ANKRD22: variants seen among roughly 807,000 people sequenced by gnomAD.
ANKRD22 encodes ankyrin repeat domain 22, also known as ankyrin repeat domain-containing protein 22.
ANKRD22 carries 24 observed loss-of-function variants against 25.7 expected under a neutral mutation model. That is an observed-to-expected ratio of 0.93 (90% CI 0.68 to 1.31). The LOEUF is 1.31. ANKRD22 is among the 50% of genes most tolerant of loss of function. The probability of loss-of-function intolerance (pLI) is 0.00; values close to 1 mark genes in which losing one functional copy is unlikely to be tolerated. For synonymous variants in ANKRD22, 84 were observed against 84.3 expected (o/e 1.00, Z 0.02); for missense variants, 214 against 227.1 (o/e 0.94, Z 0.37).
intron 1 of ANKRD22, among the ~76,000 whole-genome samples, chr10:88,843,797 T>C (rs149062767): frequency 0.027 from 4,168 of 152,278 alleles, 82 homozygotes; most frequent in Middle Eastern, 0.048. Flanking sequence ...AGAAAACAAA[T>C]GTTTTATTCT....
At chr10:88,844,378 C>T (rs777267345) in intron 1 of ANKRD22, among the ~76,000 whole-genome samples, 1 of 152,064 alleles carries the variant, frequency 6.6e-6, no homozygotes, top group Non-Finnish European at 1.5e-5. Flanking sequence ...TTGACAAAAT[C>T]TACCTTCAGT....
In ANKRD22 at chr10:88,821,061, G is replaced by C. The variant is rs1843788079; in HGVS notation, c.*1880C>G. 6.6e-6 allele frequency among the ~76,000 whole-genome samples: 1 copy of C among 152,152 alleles called. No individual in the cohort carries two copies. The highest frequency in any genetic ancestry group is 1.5e-5 in the Non-Finnish European group (1 of 68,020). ...GCCAAGTTTTATAGTTGCATCTCAGGGAAGAAAATTTTATAGGATGTTTAT... is the reference window on the plus strand; with the variant it reads ...GCCAAGTTTTATAGTTGCATCTCAGCGAAGAAAATTTTATAGGATGTTTAT... On this transcript the variant is annotated 3_prime_UTR_variant, in exon 6 of 6. Transcript: ENST00000371930.
At chr10:88,831,254 C>G (rs1018369181) in intron 2 of ANKRD22, among the ~76,000 whole-genome samples, 8 of 152,206 alleles carry the variant, frequency 5.3e-5, no homozygotes, top group African/African-American at 1.9e-4. Context: ...TCTTCTCTTT[C>G]TTGGTCCTGA....
rs1334404447 is a variant in ANKRD22 at position 88,821,854 on chromosome 10, CTG to C, written c.*1085_*1086del. On this transcript the variant is annotated 3_prime_UTR_variant, in exon 6 of 6. Transcript: ENST00000371930. Reference sequence around the variant, plus strand: ...TTTTTAAAGTGAATTTATTTCTACTCTGTGTCATTCACAGAAGAAGTGAGACA... The same window carrying C: ...TTTTTAAAGTGAATTTATTTCTACTCTGTCATTCACAGAAGAAGTGAGACA... Among the ~76,000 whole-genome samples the C allele has an allele frequency of 6.6e-6, 1 of 152,200 alleles. No homozygotes were observed. Among genetic ancestry groups the C allele is most frequent in the African/African-American group, 2.4e-5 (1 of 41,450 alleles).
chr10:88,825,461 C>G (rs781425300), intron 4 of ANKRD22, among the ~76,000 whole-genome samples: 3 of 152,180 alleles, frequency 2.0e-5, no homozygotes, highest in African/African-American at 4.8e-5. Flanking sequence ...TTTTCTTTGA[C>G]CTTTGTCTTA....
At chr10:88,824,591 C>CTG (rs1317944821) in intron 4 of ANKRD22, among the ~76,000 whole-genome samples, 5 of 152,180 alleles carry the variant, frequency 3.3e-5, no homozygotes. Flanking sequence ...GAAGTGGTGT[C>CTG]TGTGTGTGTA....
At chr10:88,836,291 A>G (rs1284149518) in intron 1 of ANKRD22, among the ~76,000 whole-genome samples, 2 of 152,194 alleles carry the variant, frequency 1.3e-5, no homozygotes, top group Non-Finnish European at 2.9e-5. Context: ...GTCTGTACTG[A>G]TTCATCATTG....
At chr10:88,845,609 G>C (rs945272917) in intron 1 of ANKRD22, among the ~76,000 whole-genome samples, 1 of 152,092 alleles carries the variant, frequency 6.6e-6, no homozygotes, top group Non-Finnish European at 1.5e-5. Context: ...GCAGAATACT[G>C]AGTATCAACT....
In ANKRD22 at chr10:88,820,144, G is replaced by A. The variant is rs1196302072; in HGVS notation, c.*2797C>T. ...CATGTACCCTTCACCACAACAGATGGCATGTTTATTATGTCTATTTGAAAC... is the reference window on the plus strand; with the variant it reads ...CATGTACCCTTCACCACAACAGATGACATGTTTATTATGTCTATTTGAAAC... On this transcript the variant is annotated 3_prime_UTR_variant, in exon 6 of 6. Transcript: ENST00000371930. 9.2e-7 allele frequency: 1 copy of A among 1,082,722 alleles called. No homozygotes were observed. The highest frequency in any genetic ancestry group is 2.6e-5 in the East Asian group (1 of 38,614). The allele number at this position is 1,082,722 out of a possible 1,614,324, so 67.1% of individuals were successfully genotyped here.
chr10:88,849,683 A>C (rs1381780693), intron 1 of ANKRD22, among the ~76,000 whole-genome samples: 1 of 152,190 alleles, frequency 6.6e-6, no homozygotes, highest in Non-Finnish European at 1.5e-5. Context: ...GGCCTAATCT[A>C]TAAGAAGCCC....
At chr10:88,823,163 G>A (rs1420287131) in intron 5 of ANKRD22, 117 bp downstream of exon 5, 1 of 1,236,092 alleles carries the variant, frequency 8.1e-7, no homozygotes, top group Non-Finnish European at 1.2e-6. Context: ...TCCTTAATGA[G>A]GATGATTAAT....
intron 4 of ANKRD22, among the ~76,000 whole-genome samples, chr10:88,825,769 C>T (rs537822462): frequency 3.3e-5 from 5 of 152,276 alleles, no homozygotes; most frequent in East Asian, 1.9e-4. Flanking sequence ...ATTTTGTTAT[C>T]GGAGCCTTAG....
chr10:88,834,976 A>G (rs957090743), intron 1 of ANKRD22, among the ~76,000 whole-genome samples: 1 of 152,094 alleles, frequency 6.6e-6, no homozygotes, highest in African/African-American at 2.4e-5. Context: ...TTTTGCTAAC[A>G]CTGGGCCCAT....
At chr10:88,823,435 G>T (rs1231222900) in intron 4 of ANKRD22, 57 bp from the exon 5 acceptor site, 3 of 1,276,856 alleles carry the variant, frequency 2.3e-6, no homozygotes, top group Non-Finnish European at 3.4e-6. Context: ...ACAGACCATA[G>T]CATGTGGCTT....
chr10:88,837,909 C>A (rs565312118), intron 1 of ANKRD22, among the ~76,000 whole-genome samples: 3 of 152,368 alleles, frequency 2.0e-5, no homozygotes, highest in African/African-American at 7.2e-5. Flanking sequence ...GATTGTGAGG[C>A]CTTCTCAGCC....
chr10:88,825,936 A>G, intron 4 of ANKRD22, 102 bp downstream of exon 4: 1 of 992,776 alleles, frequency 1.0e-6, no homozygotes. Context: ...AACTAAATGT[A>G]AAATTGTCTA....
intron 1 of ANKRD22, among the ~76,000 whole-genome samples, chr10:88,837,149 A>C (rs1843961687): frequency 6.6e-6 from 1 of 152,180 alleles, no homozygotes; most frequent in Non-Finnish European, 1.5e-5. Context: ...TCTGGAAACA[A>C]ACTCTCTGGG....
At chr10:88,823,549 CG>C (rs1843822292) in intron 4 of ANKRD22, 171 bp from the exon 5 acceptor site, 1 of 572,858 alleles carries the variant, frequency 1.7e-6, no homozygotes, top group Non-Finnish European at 3.1e-6. Context: ...AATTTTTCGC[CG>C]GGCGCGGTGG....
At chr10:88,839,931 T>C (rs1843989154) in intron 1 of ANKRD22, among the ~76,000 whole-genome samples, 1 of 152,156 alleles carries the variant, frequency 6.6e-6, no homozygotes, top group Non-Finnish European at 1.5e-5. Context: ...AAGAATAGGA[T>C]TGGGGCATTA....
Sources: gnomAD v4.1 joint callset for allele counts (sites outside exome capture counted in the v4.1 genomes callset) on GRCh38, gnomAD v4.1.1 for gene constraint, MANE v1.5 for transcripts, NCBI Gene and HGNC (gene_info 2026-07-23, HGNC 2026-07-21) for gene names.